The following MUL1 variants were observed in gnomAD, a reference collection of about 807,000 sequenced individuals.
MUL1 encodes mitochondrial ubiquitin ligase activator of NFKB 1.
In MUL1, 30 loss-of-function variants were observed where a neutral mutation model predicts 34.1. The ratio of observed to expected loss-of-function variants is 0.88; its 90% CI spans 0.66 to 1.19. The LOEUF (loss-of-function observed/expected upper bound fraction) is 1.19, where lower values mean the gene tolerates loss of function less well. Among genes scored for constraint, MUL1 ranks in the 50% most tolerant of loss-of-function variants. The pLI, the probability that MUL1 is intolerant of heterozygous loss-of-function variation, is 0.00. For missense variants in MUL1, 419 were observed against 450.5 expected, an observed-to-expected ratio of 0.93 and a Z score of 0.63; for synonymous variants, 191 against 187.8, an observed-to-expected ratio of 1.02 and a Z score of -0.14.
rs1238126723 is a variant in MUL1, at chr1:20,501,360, G to C, written c.389C>G (p.Pro130Arg). Residue 130 changes from proline (P) to arginine (R), a missense_variant, in exon 4 of 4, where the codon CCC becomes CGC. By Grantham distance (103) the Pro-to-Arg change is moderately radical. Coordinates refer to ENST00000264198, the MANE Select transcript of MUL1 (RefSeq NM_024544.3). This position sits in a 1 kb window ranked among gnomAD's most constrained non-coding sequence, Gnocchi z 4.2. Reference protein sequence around the residue: ...RTNTVPFDLVPHEDGVDVAVR... With the variant: ...RTNTVPFDLVRHEDGVDVAVR... ...AGCCACATCCACGCCATCCTCGTGG[G>C]GCACCAGGTCAAAGGGCACTGTGTT... 6 of 1,614,132 alleles carry C rather than the reference G, an allele frequency of 3.7e-6. No homozygotes were observed. Among genetic ancestry groups the C allele is most frequent in the Middle Eastern group, 1.6e-4 (1 of 6,062 alleles).
At chr1:20,507,865 G>A (rs1348331964) in intron 1 of MUL1, 40 bp downstream of exon 1, 2 of 1,586,122 alleles carry the variant, frequency 1.3e-6, no homozygotes, top group Admixed American at 3.6e-5. Context: ...ACCTGGGACA[G>A]AGATGACCCG....
In MUL1 at chr1:20,500,903, A is replaced by G. The variant is rs1557514855; in HGVS notation, c.846T>C (p.His282=). 1.9e-6 allele frequency: 3 copies of G among 1,614,076 alleles called. No homozygotes were observed. The highest frequency in any genetic ancestry group is 3.3e-5 in the Admixed American group (2 of 60,020). The part of the protein sequence containing the change: ...LKQMQEEFQE[H]EAQLLSRAKP... Reference sequence around the variant, plus strand: ...TGGCTCGGCTCAGCAGCTGGGCCTCATGCTCCTGGAACTCCTCCTGCATCT... The same window carrying G: ...TGGCTCGGCTCAGCAGCTGGGCCTCGTGCTCCTGGAACTCCTCCTGCATCT... The change falls in exon 4 of 4, where the codon CAT becomes CAC. Residue 282 remains histidine, a synonymous_variant. Coordinates refer to ENST00000264198, the MANE Select transcript of MUL1 (RefSeq NM_024544.3).
chr1:20,506,462 T>A (rs971991671), intron 1 of MUL1, among the ~76,000 whole-genome samples: 2 of 152,212 alleles, frequency 1.3e-5, no homozygotes, highest in Non-Finnish European at 2.9e-5. Flanking sequence ...AGACCTAAAT[T>A]TAAGTTTCAA....
rs766464354 is a variant in MUL1 at position 20,503,327 on chromosome 1, AT to A, written c.121-19del. On this transcript the variant is annotated intron_variant, in intron 1 of 3. Transcript: ENST00000264198. ...TTAGCTCCCTAAATAAAAAAAAAAAATTAAATTAATTGGCCATTGAACACTG... is the reference window on the plus strand; with the variant it reads ...TTAGCTCCCTAAATAAAAAAAAAAAATAAATTAATTGGCCATTGAACACTG... 6.7e-6 allele frequency: 9 copies of A among 1,342,414 alleles called. No homozygotes were observed. Among genetic ancestry groups the A allele is most frequent in the Admixed American group, 2.1e-5 (1 of 48,402 alleles). The allele number at this position is 1,342,414 out of a possible 1,614,324, so 83.2% of individuals were successfully genotyped here.
At chr1:20,505,324 C>G (rs962645583) in intron 1 of MUL1, among the ~76,000 whole-genome samples, 3 of 152,050 alleles carry the variant, frequency 2.0e-5, no homozygotes, top group African/African-American at 7.2e-5. Context: ...GTAGCTCACA[C>G]CTGTAATCCC....
chr1:20,502,674 C>T (rs1391213361), intron 2 of MUL1, among the ~76,000 whole-genome samples: 2 of 152,064 alleles, frequency 1.3e-5, no homozygotes, highest in Admixed American at 6.6e-5. Flanking sequence ...GCTGGGATTA[C>T]GGGTATGTGC....
chr1:20,502,032 C>A (rs1264881193), intron 3 of MUL1, 37 bp downstream of exon 3: 1 of 1,611,624 alleles, frequency 6.2e-7, no homozygotes, highest in Non-Finnish European at 8.5e-7. Context: ...AATAGACCAA[C>A]TGCAAGGGTT....
Position 20,500,897 on chromosome 1 carries a change from G to C in MUL1, c.852C>G (p.Ala284=). The C allele has an allele frequency of 6.2e-7, 1 of 1,614,132 alleles. No individual in the cohort carries two copies. The highest frequency in any genetic ancestry group is 8.5e-7 in the Non-Finnish European group (1 of 1,179,998). ...QMQEEFQEHE[A]QLLSRAKPED... ...CAGGCTTGGCTCGGCTCAGCAGCTG[G>C]GCCTCATGCTCCTGGAACTCCTCCT... The change falls in exon 4 of 4, where the codon GCC becomes GCG. Residue 284 remains alanine (A), a synonymous_variant. Coordinates refer to ENST00000264198, the MANE Select transcript of MUL1 (RefSeq NM_024544.3).
Position 20,503,415 on chromosome 1 carries a change from A to G in MUL1, c.121-106T>C, listed in dbSNP as rs533091077. On this transcript the variant is annotated intron_variant, in intron 1 of 3. Transcript: ENST00000264198. Reference sequence around the variant, plus strand: ...AAGATTCTATTTTTTTCGTGTCAAGAGAATATGGAAATTGGACAGGAAGGT... The same window carrying G: ...AAGATTCTATTTTTTTCGTGTCAAGGGAATATGGAAATTGGACAGGAAGGT... 2.9e-5 allele frequency: 19 copies of G among 651,302 alleles called. No individual in the cohort carries two copies. In the South Asian group the frequency reaches 3.4e-4, roughly 12 times the overall value. The allele number at this position is 651,302 out of a possible 1,614,324, so 40.3% of individuals were successfully genotyped here. A position where few individuals can be genotyped will look rare whatever the true frequency, so the allele number is the denominator to read the frequency against.
At position 20,500,550 on chromosome 1, in the gene MUL1, A is replaced by T; in HGVS notation, c.*140T>A. On this transcript the variant is annotated 3_prime_UTR_variant, in exon 4 of 4. Transcript: ENST00000264198. Reference sequence around the variant, plus strand: ...TGCCATTGGAGGCATGGGTCTGGAGAGTTTCTACCCAATTCCTCCCTCAAT... The same window carrying T: ...TGCCATTGGAGGCATGGGTCTGGAGTGTTTCTACCCAATTCCTCCCTCAAT... The T allele has an allele frequency of 8.7e-7, 1 of 1,143,250 alleles. No homozygotes were observed. Among genetic ancestry groups the T allele is most frequent in the Non-Finnish European group, 1.2e-6 (1 of 816,596 alleles). The allele number at this position is 1,143,250 out of a possible 1,614,324, so 70.8% of individuals were successfully genotyped here. A position where few individuals can be genotyped will look rare whatever the true frequency, so the allele number is the denominator to read the frequency against.
intron 1 of MUL1, among the ~76,000 whole-genome samples, chr1:20,504,722 C>T (rs371935491): frequency 3.3e-5 from 5 of 152,130 alleles, no homozygotes; most frequent in African/African-American, 9.7e-5. Context: ...CCCCCTAGTG[C>T]GGAGAACTGT....
In MUL1 at chr1:20,501,933, A is replaced by G; in HGVS notation, c.329+136T>C. On this transcript the variant is annotated intron_variant, in intron 3 of 3. Coordinates refer to ENST00000264198, the MANE Select transcript of MUL1 (RefSeq NM_024544.3). The surrounding 1 kb of genome is among the most constrained non-coding windows in gnomAD (Gnocchi z 4.2). The stretch of plus-strand genomic sequence containing the variant: ...ATAGGAGGCCCACAGGCTACACACA[A>G]GAATATGACCTGCATTAAGAGACTG... The G allele has an allele frequency of 2.6e-6, 3 of 1,134,840 alleles. No individual in the cohort carries two copies. In the South Asian group the frequency reaches 4.4e-5, roughly 17 times the overall value. 70.3% of individuals were successfully genotyped at this position (1,134,840 alleles called of 1,614,324 possible).
intron 1 of MUL1, among the ~76,000 whole-genome samples, chr1:20,506,248 G>C (rs2051712921): frequency 6.6e-6 from 1 of 152,174 alleles, no homozygotes; most frequent in African/African-American, 2.4e-5. Flanking sequence ...CTTAGCTCTT[G>C]TATTGTGAAA....
intron 1 of MUL1, among the ~76,000 whole-genome samples, chr1:20,505,281 C>G (rs777307903): frequency 1.3e-5 from 2 of 152,028 alleles, no homozygotes; most frequent in East Asian, 1.9e-4. Flanking sequence ...GTTTTGTCAT[C>G]TGATCAAGAA....
rs564095206 is a variant in MUL1, at chr1:20,507,092, G to A, written c.120+813C>T. Among the ~76,000 whole-genome samples the A allele has an allele frequency of 2.4e-3, 357 of 147,600 alleles. 2 individuals carry two copies. Among genetic ancestry groups the A allele is most frequent in the African/African-American group, 8.3e-3 (332 of 40,012 alleles). On this transcript the variant is annotated intron_variant, in intron 1 of 3. Transcript: ENST00000264198. The stretch of plus-strand genomic sequence containing the variant: ...AAATACAAAAAAGTTAGCTGGGCGT[G>A]GTAATCCCAGCTACTCGGGAGGCTG...
At chr1:20,502,045 G>A in intron 3 of MUL1, 24 bp downstream of exon 3, 1 of 1,612,490 alleles carries the variant, frequency 6.2e-7, no homozygotes, top group Non-Finnish European at 8.5e-7. Context: ...CAAGGGTTTT[G>A]GCCAGTGGAG....
Position 20,500,468 on chromosome 1 carries a change from G to A in MUL1, c.*222C>T, listed in dbSNP as rs1005578610. 2.7e-5 allele frequency: 14 copies of A among 523,330 alleles called. No individual in the cohort carries two copies. The highest frequency in any genetic ancestry group is 3.9e-5 in the Non-Finnish European group (12 of 304,726). The allele number at this position is 523,330 out of a possible 1,614,324, so 32.4% of individuals were successfully genotyped here. A position where few individuals can be genotyped will look rare whatever the true frequency, so the allele number is the denominator to read the frequency against. ...CGCCACGGCATCCTCCCAGGGTGAGGCTCTGATGAGGCTGCACATGGACAG... is the reference window on the plus strand; with the variant it reads ...CGCCACGGCATCCTCCCAGGGTGAGACTCTGATGAGGCTGCACATGGACAG... On this transcript the variant is annotated 3_prime_UTR_variant, in exon 4 of 4. Transcript: ENST00000264198.
At chr1:20,506,673 A>T (rs560510605) in intron 1 of MUL1, among the ~76,000 whole-genome samples, 1 of 151,916 alleles carries the variant, frequency 6.6e-6, no homozygotes, top group Admixed American at 6.6e-5. Flanking sequence ...AACATGGCAA[A>T]ACCCCATCTC....
intron 2 of MUL1, 30 bp downstream of exon 2, chr1:20,503,192 T>C (rs758894751): frequency 1.4e-6 from 2 of 1,454,484 alleles, no homozygotes; most frequent in Admixed American, 2.1e-5. Context: ...AAAAAGACGT[T>C]GTTTTCCATT....
Sources: allele counts gnomAD v4.1 joint callset (sites outside exome capture counted in the v4.1 genomes callset), GRCh38; gene constraint gnomAD v4.1.1; non-coding constraint Gnocchi (gnomAD v3.1); transcripts MANE v1.5; gene names NCBI Gene and HGNC (gene_info 2026-07-23, HGNC 2026-07-21).